Variants in ERBB4 observed in about 807,000 individuals in gnomAD.
The protein encoded by ERBB4 is receptor tyrosine-protein kinase erbB-4.
Under a neutral mutation model 158.0 loss-of-function variants are expected in ERBB4, and 42 were observed. The observed-to-expected ratio is 0.27, with a 90% CI of 0.21 to 0.34. ERBB4 has a LOEUF of 0.34. Among genes scored for constraint, ERBB4 ranks in the 10% least tolerant of loss-of-function variants. The pLI is 1.00. For synonymous variants in ERBB4, 583 were observed against 558.7 expected (o/e 1.04, Z -0.61); for missense variants, 1,333 against 1,624.1 (o/e 0.82, Z 3.08).
chr2:212,104,754 C>T (rs917330481), intron 2 of ERBB4, among the ~76,000 whole-genome samples: 4 of 151,988 alleles, frequency 2.6e-5, no homozygotes, highest in East Asian at 1.9e-4. Context: ...TATGATATTG[C>T]GATTGTTTAA....
intron 3 of ERBB4, among the ~76,000 whole-genome samples, chr2:211,905,555 C>T (rs1270712173): frequency 6.7e-6 from 1 of 149,058 alleles, no homozygotes; most frequent in Non-Finnish European, 1.5e-5. Context: ...ATGTTCAATG[C>T]AATTTAATGT....
chr2:212,493,033 T>C (rs529311687), intron 1 of ERBB4, among the ~76,000 whole-genome samples: 27 of 151,594 alleles, frequency 1.8e-4, no homozygotes, highest in African/African-American at 6.3e-4. Context: ...TTATGTTAAA[T>C]CCTTCAGTGA....
At chr2:211,547,145 G>A (rs2066961744) in intron 20 of ERBB4, among the ~76,000 whole-genome samples, 1 of 152,016 alleles carries the variant, frequency 6.6e-6, no homozygotes, top group African/African-American at 2.4e-5. Context: ...TGCACTTATA[G>A]TTATACAAGA....
At chr2:212,130,321 A>G (rs578087941) in intron 1 of ERBB4, among the ~76,000 whole-genome samples, 1 of 152,142 alleles carries the variant, frequency 6.6e-6, no homozygotes, top group Non-Finnish European at 1.5e-5. Flanking sequence ...AAAATCCTCA[A>G]TTATTCTATT....
rs775707247 is a variant in ERBB4, at chr2:211,420,567, G to A, written c.3009C>T (p.Phe1003=). The change falls in exon 25 of 28, where the codon TTC becomes TTT. Residue 1003 remains phenylalanine (F), a synonymous_variant. Transcript: ENST00000342788. The part of the protein sequence containing the change: ...MKLPSPNDSK[F]FQNLLDEEDL... ...CCTCTTCATCCAAGAGATTCTGAAA[G>A]AACTTGCTGTCATTTGGACTGGGAA... 22 of 1,612,992 alleles carry A rather than the reference G, an allele frequency of 1.4e-5. No individual in the cohort carries two copies. The highest frequency in any genetic ancestry group is 1.8e-5 in the Non-Finnish European group (21 of 1,179,238).
intron 1 of ERBB4, among the ~76,000 whole-genome samples, chr2:212,271,960 C>G (rs568155530): frequency 6.6e-6 from 1 of 151,652 alleles, no homozygotes; most frequent in African/African-American, 2.4e-5. Flanking sequence ...GAGTCCGGTT[C>G]TCTTATAAGG....
intron 20 of ERBB4, among the ~76,000 whole-genome samples, chr2:211,549,889 G>A (rs1355629328): frequency 2.6e-5 from 4 of 152,070 alleles, no homozygotes; most frequent in African/African-American, 9.7e-5. Flanking sequence ...TCAGCACTTT[G>A]TGTGCCTCTT....
chr2:212,163,421 C>G (rs1200853787), intron 1 of ERBB4, among the ~76,000 whole-genome samples: 1 of 152,012 alleles, frequency 6.6e-6, no homozygotes, highest in Non-Finnish European at 1.5e-5. Context: ...TGCTGCAAAG[C>G]CTAGAGCCAT....
In ERBB4 at chr2:211,662,027, G is replaced by A. The variant is rs1295026338; in HGVS notation, c.1871+3296C>T. Among the ~76,000 whole-genome samples, 5 of 98,418 alleles carry A rather than the reference G, an allele frequency of 5.1e-5. No homozygotes were observed. In the East Asian group the frequency reaches 1.0e-3, roughly 20 times the overall value. 64.6% of individuals were successfully genotyped at this position (98,418 alleles called of 152,430 possible). A position where few individuals can be genotyped will look rare whatever the true frequency, so the allele number is the denominator to read the frequency against. On this transcript the variant is annotated intron_variant, in intron 15 of 27. Coordinates refer to ENST00000342788, the MANE Select transcript of ERBB4 (RefSeq NM_005235.3). ...GCACTCCAGCCTGGGCGACAGAGCG[G>A]GACTCCGTCTCAAAAAAAAAAAAAA...
intron 16 of ERBB4, among the ~76,000 whole-genome samples, chr2:211,641,311 G>T (rs1047710702): frequency 6.6e-6 from 1 of 151,874 alleles, no homozygotes; most frequent in South Asian, 2.1e-4. Context: ...ATCATTTTAT[G>T]CGGTTTCACT....
At chr2:211,783,149 C>CT (rs1309305464) in intron 4 of ERBB4, among the ~76,000 whole-genome samples, 2 of 152,090 alleles carry the variant, frequency 1.3e-5, no homozygotes, top group African/African-American at 2.4e-5. Context: ...TGGGAGTTCA[C>CT]CATGATTTGG....
chr2:211,848,469 G>C (rs1023194929), intron 3 of ERBB4, among the ~76,000 whole-genome samples: 1 of 152,014 alleles, frequency 6.6e-6, no homozygotes, highest in Non-Finnish European at 1.5e-5. Context: ...GGGCTTGTAT[G>C]TTTCTCAGGT....
chr2:212,245,176 T>G (rs1401760407), intron 1 of ERBB4, among the ~76,000 whole-genome samples: 1 of 152,184 alleles, frequency 6.6e-6, no homozygotes, highest in African/African-American at 2.4e-5. Flanking sequence ...CATAGAAAAT[T>G]TGAAAACATC....
At chr2:212,040,718 T>G (rs1575552860) in intron 2 of ERBB4, among the ~76,000 whole-genome samples, 1 of 152,116 alleles carries the variant, frequency 6.6e-6, no homozygotes, top group Non-Finnish European at 1.5e-5. Flanking sequence ...TGAGCTTCTC[T>G]GTGAACTTCT....
In ERBB4 at chr2:212,237,171, T is replaced by C. The variant is rs185179328; in HGVS notation, c.83-112268A>G. On this transcript the variant is annotated intron_variant, in intron 1 of 27. Coordinates refer to ENST00000342788, the MANE Select transcript of ERBB4 (RefSeq NM_005235.3). Reference sequence around the variant, plus strand: ...AGAAGAAATATTATCACTTTTGGAATTTTCAGCCTTTCTGCGCTAGTTTTT... The same window carrying C: ...AGAAGAAATATTATCACTTTTGGAACTTTCAGCCTTTCTGCGCTAGTTTTT... Among the ~76,000 whole-genome samples, 14 of 152,350 alleles carry C rather than the reference T, an allele frequency of 9.2e-5. No homozygotes were observed. In the East Asian group the frequency reaches 2.7e-3, roughly 29 times the overall value.
intron 1 of ERBB4, among the ~76,000 whole-genome samples, chr2:212,455,579 T>C (rs991891032): frequency 1.3e-5 from 2 of 152,064 alleles, no homozygotes; most frequent in Admixed American, 1.3e-4. Context: ...AAAGTTTTGC[T>C]GTGTACTCAG....
chr2:212,285,940 G>A (rs999144483), intron 1 of ERBB4, among the ~76,000 whole-genome samples: 5 of 152,078 alleles, frequency 3.3e-5, no homozygotes, highest in African/African-American at 9.7e-5. Context: ...TTGGGTCAAT[G>A]GCTTGGCTAG....
chr2:211,455,633 T>C (rs1005786842), intron 20 of ERBB4, among the ~76,000 whole-genome samples: 9 of 152,196 alleles, frequency 5.9e-5, no homozygotes, highest in Admixed American at 5.9e-4. Flanking sequence ...GTTCATATTA[T>C]GTTTTCTCCC....
chr2:212,505,067 C>T (rs1397985991), intron 1 of ERBB4, among the ~76,000 whole-genome samples: 1 of 151,666 alleles, frequency 6.6e-6, no homozygotes, highest in Admixed American at 6.6e-5. Flanking sequence ...TTGTTTCTTA[C>T]TCTTGCTTTT....
Sources: allele counts gnomAD v4.1 joint callset (sites outside exome capture counted in the v4.1 genomes callset), GRCh38; gene constraint gnomAD v4.1.1; transcripts MANE v1.5; gene names NCBI Gene and HGNC (gene_info 2026-07-23, HGNC 2026-07-21).